The following RNF217 variants were observed in gnomAD, a reference collection of about 807,000 sequenced individuals.
The protein encoded by RNF217 is ring finger protein 217, also known as E3 ubiquitin-protein ligase RNF217.
RNF217 carries 31 observed loss-of-function variants against 57.8 expected under a neutral mutation model. That is an observed-to-expected ratio of 0.54 (90% CI 0.40 to 0.72). The LOEUF (loss-of-function observed/expected upper bound fraction) is 0.72, where lower values mean the gene tolerates loss of function less well. Among genes scored for constraint, RNF217 ranks in the 30% least tolerant of loss-of-function variants. The probability of loss-of-function intolerance (pLI) is 0.00; values close to 1 mark genes in which losing one functional copy is unlikely to be tolerated. For missense variants in RNF217, 696 were observed against 708.3 expected, an observed-to-expected ratio of 0.98 and a Z score of 0.20; for synonymous variants, 313 against 294.0, an observed-to-expected ratio of 1.06 and a Z score of -0.66.
At chr6:125,049,645 CACATATAAATTACTTAGCACCACATATG>C (rs1787232299) in intron 2 of RNF217, among the ~76,000 whole-genome samples, 2 of 132,226 alleles carry the variant, frequency 1.5e-5, no homozygotes, top group African/African-American at 8.4e-5. Flanking sequence ...AATGAAATCA[CACATATAAATTACTTAGCACCACATATG>C]ACACATACTG....
intron 1 of RNF217, among the ~76,000 whole-genome samples, chr6:124,980,447 T>C (rs1784121703): frequency 6.6e-6 from 1 of 152,258 alleles, no homozygotes; most frequent in South Asian, 2.1e-4. Flanking sequence ...ATTGGAATTT[T>C]TTGGTAATTC....
At chr6:125,006,211 T>G (rs980396194) in intron 1 of RNF217, 1 of 152,176 alleles carries the variant, frequency 6.6e-6, no homozygotes, top group African/African-American at 2.4e-5. Flanking sequence ...GATGTTTATG[T>G]TGCAATAAAT....
chr6:125,045,331 G>A lies in RNF217; in HGVS notation c.1003G>A (p.Glu335Lys), dbSNP rs141934722. 2.5e-6 allele frequency: 4 copies of A among 1,613,210 alleles called. No homozygotes were observed. Among genetic ancestry groups the A allele is most frequent in the Non-Finnish European group, 3.4e-6 (4 of 1,179,632 alleles). ...CTCCATCAAGTATAAGTACTTCTTG[G>A]AACTTGGCCGTATTGATTCCAGCAC... Reference protein sequence around the residue: ...EDSIKYKYFLELGRIDSSTKP... With the variant: ...EDSIKYKYFLKLGRIDSSTKP... Residue 335 changes from glutamate (E) to lysine (K), a missense_variant, in exon 2 of 6, where the codon GAA becomes AAA. Transcript: ENST00000521654.
intron 1 of RNF217, among the ~76,000 whole-genome samples, chr6:125,037,421 G>A (rs372827055): frequency 6.6e-6 from 1 of 152,080 alleles, no homozygotes; most frequent in African/African-American, 2.4e-5. Context: ...GTTTGGTATT[G>A]ATCACTTTTA....
chr6:125,019,836 G>GC (rs527872642), intron 1 of RNF217, among the ~76,000 whole-genome samples: 6 of 150,616 alleles, frequency 4.0e-5, no homozygotes, highest in Non-Finnish European at 8.9e-5. Context: ...TTTGCAGTGG[G>GC]GGGGGAGTGA....
At chr6:125,082,332 G>T in intron 5 of RNF217, 1 of 1,022,294 alleles carries the variant, frequency 9.8e-7, no homozygotes, top group Non-Finnish European at 1.3e-6. Context: ...ATGTCAACTT[G>T]GGTTTAGCAA....
rs1415810772 is a variant in RNF217, at chr6:125,087,221, A to G, written c.*4284A>G. On this transcript the variant is annotated 3_prime_UTR_variant, in exon 6 of 6. Transcript: ENST00000521654. Reference sequence around the variant, plus strand: ...ATTACACTTTTATACTGGCTGTTACATTAGAATTACAAAAAAGTTAGTGGC... The same window carrying G: ...ATTACACTTTTATACTGGCTGTTACGTTAGAATTACAAAAAAGTTAGTGGC... 6.6e-6 allele frequency: 1 copy of G among 152,172 alleles called. No homozygotes were observed. Among genetic ancestry groups the G allele is most frequent in the Non-Finnish European group, 1.5e-5 (1 of 68,018 alleles). The allele number at this position is 152,172 out of a possible 1,614,324, so 9.4% of individuals were successfully genotyped here.
At chr6:125,039,499 T>G (rs1462859236) in intron 1 of RNF217, among the ~76,000 whole-genome samples, 1 of 152,086 alleles carries the variant, frequency 6.6e-6, no homozygotes, top group Non-Finnish European at 1.5e-5. Flanking sequence ...ACAATAATAA[T>G]GGGAGACTTT....
chr6:125,030,095 C>T (rs1041118494), intron 1 of RNF217, among the ~76,000 whole-genome samples: 1 of 152,092 alleles, frequency 6.6e-6, no homozygotes, highest in Non-Finnish European at 1.5e-5. Flanking sequence ...AAAGCAGAAA[C>T]CCCTGATAAA....
At position 125,091,490 on chromosome 6, in the gene RNF217, T is replaced by C. The variant is rs997164055; in HGVS notation, c.*8553T>C. ...TCTACTGTATTATCTCTAAAACAGG[T>C]TAGCCAATGTATTTTTCTTAAATTC... is the stretch of plus-strand genomic sequence containing the variant. On this transcript the variant is annotated 3_prime_UTR_variant, in exon 6 of 6. Transcript: ENST00000521654. The C allele has an allele frequency of 5.9e-5, 9 of 152,120 alleles. No homozygotes were observed. The highest frequency in any genetic ancestry group is 1.2e-4 in the Non-Finnish European group (8 of 67,964). The allele number at this position is 152,120 out of a possible 1,614,324, so 9.4% of individuals were successfully genotyped here. A position where few individuals can be genotyped will look rare whatever the true frequency, so the allele number is the denominator to read the frequency against.
At chr6:124,998,216 C>T (rs950834950) in intron 1 of RNF217, among the ~76,000 whole-genome samples, 1 of 152,118 alleles carries the variant, frequency 6.6e-6, no homozygotes, top group Non-Finnish European at 1.5e-5. Flanking sequence ...CACTTTACTT[C>T]CCTCATTTTG....
intron 1 of RNF217, among the ~76,000 whole-genome samples, chr6:124,970,716 T>C (rs1022808108): frequency 6.6e-6 from 1 of 151,982 alleles, no homozygotes; most frequent in African/African-American, 2.4e-5. Flanking sequence ...AGAAGAAGGA[T>C]TGGAGACTGA....
Position 125,083,526 on chromosome 6 carries a change from G to C in RNF217, c.*589G>C, listed in dbSNP as rs1788678821. 6.6e-6 allele frequency: 1 copy of C among 152,080 alleles called. No individual in the cohort carries two copies. The highest frequency in any genetic ancestry group is 6.6e-5 in the Admixed American group (1 of 15,228). The allele number at this position is 152,080 out of a possible 1,614,324, so 9.4% of individuals were successfully genotyped here. On this transcript the variant is annotated 3_prime_UTR_variant, in exon 6 of 6. Transcript: ENST00000521654. The stretch of plus-strand genomic sequence containing the variant: ...TTAATGAGAAGAATATTAAGTTACT[G>C]AAGTGTATATGCGTAGGGGCGTGAA...
rs1004787250 is a variant in RNF217, at chr6:125,090,677, C to G, written c.*7740C>G. On this transcript the variant is annotated 3_prime_UTR_variant, in exon 6 of 6. Transcript: ENST00000521654. Reference sequence around the variant, plus strand: ...GTAATTTGTACCAGATCTTGTCCATCATTTCATTAGATTGCATATTTTTAG... The same window carrying G: ...GTAATTTGTACCAGATCTTGTCCATGATTTCATTAGATTGCATATTTTTAG... 25 of 151,772 alleles carry G rather than the reference C, an allele frequency of 1.6e-4. No homozygotes were observed. The highest frequency in any genetic ancestry group is 3.1e-4 in the Non-Finnish European group (21 of 67,824). The allele number at this position is 151,772 out of a possible 1,614,324, so 9.4% of individuals were successfully genotyped here. A position where few individuals can be genotyped will look rare whatever the true frequency, so the allele number is the denominator to read the frequency against.
chr6:124,991,759 C>G (rs1784570744), intron 1 of RNF217, among the ~76,000 whole-genome samples: 1 of 152,068 alleles, frequency 6.6e-6, no homozygotes, highest in African/African-American at 2.4e-5. Flanking sequence ...AGTTTCTAAA[C>G]CTGTGCTAAT....
At chr6:124,977,239 C>T (rs1487005246) in intron 1 of RNF217, among the ~76,000 whole-genome samples, 2 of 152,170 alleles carry the variant, frequency 1.3e-5, no homozygotes, top group Non-Finnish European at 2.9e-5. Context: ...TGAATTTCAG[C>T]CACAACCTTT....
At chr6:125,037,038 AT>A (rs1285373277) in intron 1 of RNF217, among the ~76,000 whole-genome samples, 2 of 150,794 alleles carry the variant, frequency 1.3e-5, no homozygotes, top group African/African-American at 2.4e-5. Context: ...TTCAAGACTG[AT>A]TTTTTTAATG....
At chr6:125,078,122 G>A (rs557774483) in intron 4 of RNF217, among the ~76,000 whole-genome samples, 17 of 152,164 alleles carry the variant, frequency 1.1e-4, no homozygotes, top group East Asian at 3.9e-4. Context: ...TTTCCAGTGC[G>A]TGCCGCTTCT....
In RNF217 at chr6:125,084,423, T is replaced by C. The variant is rs2114664834; in HGVS notation, c.*1486T>C. ...AGCAAACAGGAAAAAAAAAGACCCCTAAAAAGCCTAAAGCTTTAAATTGTC... is the reference window on the plus strand; with the variant it reads ...AGCAAACAGGAAAAAAAAAGACCCCCAAAAAGCCTAAAGCTTTAAATTGTC... On this transcript the variant is annotated 3_prime_UTR_variant, in exon 6 of 6. Transcript: ENST00000521654. 6.6e-6 allele frequency: 1 copy of C among 152,032 alleles called. No homozygotes were observed. The highest frequency in any genetic ancestry group is 6.6e-5 in the Admixed American group (1 of 15,248). The allele number at this position is 152,032 out of a possible 1,614,324, so 9.4% of individuals were successfully genotyped here.
Sources: allele counts gnomAD v4.1 joint callset (sites outside exome capture counted in the v4.1 genomes callset), GRCh38; gene constraint gnomAD v4.1.1; transcripts MANE v1.5; gene names NCBI Gene and HGNC (gene_info 2026-07-23, HGNC 2026-07-21).